The following PLA2G2D variants were observed in gnomAD, a reference collection of about 807,000 sequenced individuals.
PLA2G2D encodes phospholipase A2 group IID.
Under a neutral mutation model 13.9 loss-of-function variants are expected in PLA2G2D, and 17 were observed. That is an observed-to-expected ratio of 1.23 (90% CI 0.84 to 1.84). The LOEUF (loss-of-function observed/expected upper bound fraction) is 1.84, where lower values mean the gene tolerates loss of function less well. Ranked by LOEUF, PLA2G2D falls within the 40% of genes most tolerant of loss-of-function variation. PLA2G2D has a pLI of 0.00. For missense variants in PLA2G2D, 194 were observed against 178.7 expected (o/e 1.09, Z -0.49); for synonymous variants, 83 against 69.3 (o/e 1.20, Z -0.98).
chr1:20,115,774 A>G (rs188027345), intron 2 of PLA2G2D, among the ~76,000 whole-genome samples, 161 bp from the exon 3 acceptor site: 1 of 152,296 alleles, frequency 6.6e-6, no homozygotes, highest in African/African-American at 2.4e-5. Context: ...TTTTTGAGCG[A>G]TTCCTATGCA....
Position 20,113,833 on chromosome 1 carries a change from C to A in PLA2G2D, c.*281G>T, listed in dbSNP as rs942442355. 8.3e-6 allele frequency: 3 copies of A among 361,014 alleles called. No homozygotes were observed. The Admixed American group carries it at 1.3e-4, about 16-fold the overall frequency. 22.4% of individuals were successfully genotyped at this position (361,014 alleles called of 1,614,324 possible). A position where few individuals can be genotyped will look rare whatever the true frequency, so the allele number is the denominator to read the frequency against. ...CAGCAGGTGGGGGACAGCGGCAGACCCCTCCCCCACCCCGATGCTTTGGTC... is the reference window on the plus strand; with the variant it reads ...CAGCAGGTGGGGGACAGCGGCAGACACCTCCCCCACCCCGATGCTTTGGTC... On this transcript the variant is annotated 3_prime_UTR_variant, in exon 4 of 4. Transcript: ENST00000375105.
At position 20,119,532 on chromosome 1, in the gene PLA2G2D, G is replaced by A; in HGVS notation, c.-34C>T. 1 of 1,610,888 alleles carries A rather than the reference G, an allele frequency of 6.2e-7. No individual in the cohort carries two copies. The highest frequency in any genetic ancestry group is 8.5e-7 in the Non-Finnish European group (1 of 1,177,310). On this transcript the variant is annotated 5_prime_UTR_variant, in exon 1 of 4. Transcript: ENST00000375105. ...CACAGAGCAGTGGAGGCAGATGCTGGCAGTCCCTTTCCATGCAGGCTGCCC... is the reference window on the plus strand; with the variant it reads ...CACAGAGCAGTGGAGGCAGATGCTGACAGTCCCTTTCCATGCAGGCTGCCC...
rs1202724359 is a variant in PLA2G2D, at chr1:20,114,067, G to A, written c.*47C>T. ...TGGTTCAGGTTAGATACTGAGGTGG[G>A]GATGCCAGAGCTCCATGCTGAGGAA... On this transcript the variant is annotated 3_prime_UTR_variant, in exon 4 of 4. Transcript: ENST00000375105. 1 of 1,576,318 alleles carries A rather than the reference G, an allele frequency of 6.3e-7. No individual in the cohort carries two copies. The highest frequency in any genetic ancestry group is 8.6e-7 in the Non-Finnish European group (1 of 1,156,152).
chr1:20,116,195 C>T, intron 2 of PLA2G2D, 138 bp downstream of exon 2: 1 of 923,772 alleles, frequency 1.1e-6, no homozygotes, highest in Non-Finnish European at 1.7e-6. Flanking sequence ...ACCGTATTGG[C>T]ACCCAGTGGT....
chr1:20,112,010 A>G lies in PLA2G2D; in HGVS notation c.*2104T>C, dbSNP rs1006395256. 2.7e-5 allele frequency: 4 copies of G among 147,364 alleles called. No homozygotes were observed. Among genetic ancestry groups the G allele is most frequent in the African/African-American group, 1.0e-4 (4 of 39,470 alleles). The allele number at this position is 147,364 out of a possible 1,614,324, so 9.1% of individuals were successfully genotyped here. A position where few individuals can be genotyped will look rare whatever the true frequency, so the allele number is the denominator to read the frequency against. On this transcript the variant is annotated 3_prime_UTR_variant, in exon 4 of 4. Transcript: ENST00000375105. The stretch of plus-strand genomic sequence containing the variant: ...GAGACAGAGTGTCACTCTGTTGCCC[A>G]GGCTGGAGTGCAGTGTCGCGATCTG...
At chr1:20,115,969 T>G (rs7534173) in intron 2 of PLA2G2D, among the ~76,000 whole-genome samples, 32,218 of 152,008 alleles carry the variant, frequency 0.21, 4,620 homozygotes, top group East Asian at 0.45. Context: ...TGGCTGGCTC[T>G]CACCGCTCCT....
intron 1 of PLA2G2D, among the ~76,000 whole-genome samples, chr1:20,116,910 G>A (rs985997216): frequency 4.0e-5 from 6 of 151,840 alleles, no homozygotes; most frequent in South Asian, 2.1e-4. Flanking sequence ...GCAGTGAGCC[G>A]AGATCTTGCC....
chr1:20,116,149 G>A (rs564809253), intron 2 of PLA2G2D, among the ~76,000 whole-genome samples, 184 bp downstream of exon 2: 112 of 152,272 alleles, frequency 7.4e-4, no homozygotes, highest in African/African-American at 2.6e-3. Flanking sequence ...GGGACCCTGG[G>A]GAACCTTCTG....
At chr1:20,117,903 C>T (rs1272928826) in intron 1 of PLA2G2D, among the ~76,000 whole-genome samples, 1 of 152,172 alleles carries the variant, frequency 6.6e-6, no homozygotes, top group Non-Finnish European at 1.5e-5. Context: ...CACAGGTGGC[C>T]TTGGGTTGCA....
intron 2 of PLA2G2D, among the ~76,000 whole-genome samples, chr1:20,116,041 A>AG (rs369340199): frequency 0.023 from 3,465 of 152,130 alleles, 65 homozygotes; most frequent in African/African-American, 0.052. Flanking sequence ...AGAGGTGGTG[A>AG]GGGGGCTTTA....
chr1:20,114,911 C>T (rs533213908), intron 3 of PLA2G2D, among the ~76,000 whole-genome samples: 4 of 152,258 alleles, frequency 2.6e-5, no homozygotes, highest in African/African-American at 9.6e-5. Flanking sequence ...CTGTGATGAG[C>T]CCTTTAGATT....
chr1:20,118,721 G>A (rs568399130), intron 1 of PLA2G2D, among the ~76,000 whole-genome samples: 20 of 152,262 alleles, frequency 1.3e-4, no homozygotes, highest in South Asian at 1.2e-3. Context: ...AAGAGATGGC[G>A]GGGCCTGCAT....
At chr1:20,117,921 G>A (rs890073616) in intron 1 of PLA2G2D, among the ~76,000 whole-genome samples, 4 of 152,228 alleles carry the variant, frequency 2.6e-5, no homozygotes, top group Admixed American at 2.6e-4. Flanking sequence ...GCAACTCAAA[G>A]TGACTGGGCC....
chr1:20,119,376 G>T, intron 1 of PLA2G2D, 83 bp downstream of exon 1: 3 of 1,201,890 alleles, frequency 2.5e-6, no homozygotes, highest in Non-Finnish European at 3.7e-6. Context: ...CAGAGCAGCA[G>T]CCCCCTAATC....
intron 1 of PLA2G2D, 109 bp from the exon 2 acceptor site, chr1:20,116,586 G>T: frequency 1.1e-6 from 1 of 934,812 alleles, no homozygotes; most frequent in Non-Finnish European, 1.7e-6. Context: ...AGTGACCTCA[G>T]ATGATGATAA....
In PLA2G2D at chr1:20,113,347, C is replaced by G. The variant is rs1206286162; in HGVS notation, c.*767G>C. 6.6e-6 allele frequency: 1 copy of G among 152,056 alleles called. No homozygotes were observed. Among genetic ancestry groups the G allele is most frequent in the Admixed American group, 6.6e-5 (1 of 15,254 alleles). 9.4% of individuals were successfully genotyped at this position (152,056 alleles called of 1,614,324 possible). ...AGACTTCCAGAAAGTAGCCCTTTGA[C>G]CCTGAGGAGGTGGGGATCAGTCGTG... is the stretch of plus-strand genomic sequence containing the variant. On this transcript the variant is annotated 3_prime_UTR_variant, in exon 4 of 4. Transcript: ENST00000375105.
chr1:20,115,686 G>T, intron 2 of PLA2G2D, 73 bp from the exon 3 acceptor site: 1 of 933,494 alleles, frequency 1.1e-6, no homozygotes, highest in Non-Finnish European at 1.8e-6. Context: ...CCCTACTGGA[G>T]AAGAACCCGT....
In PLA2G2D at chr1:20,116,475, C is replaced by T. The variant is rs1020702812; in HGVS notation, c.43G>A (p.Val15Met). 1 of 1,614,140 alleles carries T rather than the reference C, an allele frequency of 6.2e-7. No homozygotes were observed. The change falls in exon 2 of 4, where the codon GTG becomes ATG. Residue 15 changes from valine (V) to methionine (M), a missense_variant and splice_region_variant. Val to Met is a conservative substitution (Grantham distance 21). Coordinates refer to ENST00000375105, the MANE Select transcript of PLA2G2D (RefSeq NM_012400.4). ...AGGATCCCGCCCTGGATTGGAATCA[C>T]ACCTGCCAAGCAGCCCAGCAACCAG... ...LLCGLVVMAG[V>M]IPIQGGILNL...
intron 3 of PLA2G2D, among the ~76,000 whole-genome samples, chr1:20,114,680 G>A (rs1446672483): frequency 6.6e-6 from 1 of 152,096 alleles, no homozygotes; most frequent in South Asian, 2.1e-4. Context: ...GAGGAAGCTG[G>A]GGTTTGGGAG....
Sources: allele counts gnomAD v4.1 joint callset (sites outside exome capture counted in the v4.1 genomes callset), GRCh38; gene constraint gnomAD v4.1.1; transcripts MANE v1.5; gene names NCBI Gene and HGNC (gene_info 2026-07-23, HGNC 2026-07-21).